STPG4: variants seen among roughly 807,000 people sequenced by gnomAD.
STPG4 encodes protein STPG4.
STPG4 carries 41 observed loss-of-function variants against 31.5 expected under a neutral mutation model. The ratio of observed to expected loss-of-function variants is 1.30; its 90% CI spans 1.01 to 1.69. The LOEUF (loss-of-function observed/expected upper bound fraction) is 1.69. Ranked by LOEUF, STPG4 falls within the 40% of genes most tolerant of loss-of-function variation. The probability of loss-of-function intolerance (pLI) is 0.00; values close to 1 mark genes in which losing one functional copy is unlikely to be tolerated. For synonymous variants in STPG4, 141 were observed against 103.0 expected (o/e 1.37, Z -2.24); for missense variants, 375 against 293.4 (o/e 1.28, Z -2.03).
intron 2 of STPG4, 148 bp from the exon 3 acceptor site, chr2:47,151,663 GA>G (rs1686939628): frequency 1.5e-6 from 1 of 653,710 alleles, no homozygotes; most frequent in African/African-American, 1.8e-5. Flanking sequence ...ACTCTTGACA[GA>G]AGAGTATTTC....
chr2:47,123,413 G>A (rs1686311541), intron 5 of STPG4, among the ~76,000 whole-genome samples: 1 of 152,146 alleles, frequency 6.6e-6, no homozygotes, highest in African/African-American at 2.4e-5. Context: ...TAGGTATACA[G>A]GAAAGAAATC....
At chr2:47,146,820 G>C (rs955424017) in intron 3 of STPG4, among the ~76,000 whole-genome samples, 1 of 151,560 alleles carries the variant, frequency 6.6e-6, no homozygotes, top group Non-Finnish European at 1.5e-5. Flanking sequence ...TGAGGATAGG[G>C]GAGGAAGTGT....
intron 5 of STPG4, among the ~76,000 whole-genome samples, chr2:47,101,124 A>AT (rs1685791177): frequency 6.6e-6 from 1 of 151,642 alleles, no homozygotes; most frequent in Non-Finnish European, 1.5e-5. Flanking sequence ...ATTCTGTCCT[A>AT]TTTTTCCTTA....
At chr2:47,130,043 T>A (rs774568855) in intron 4 of STPG4, 48 bp from the exon 5 acceptor site, 8 of 1,490,108 alleles carry the variant, frequency 5.4e-6, no homozygotes, top group Non-Finnish European at 7.4e-6. Flanking sequence ...ATCTATTTTT[T>A]AAAGATCTTT....
intron 3 of STPG4, among the ~76,000 whole-genome samples, chr2:47,136,182 G>T (rs1403824702): frequency 6.6e-6 from 1 of 151,472 alleles, no homozygotes; most frequent in African/African-American, 2.4e-5. Flanking sequence ...TTTCACTCTT[G>T]TTGCCCAGGC....
intron 1 of STPG4, 100 bp from the exon 2 acceptor site, chr2:47,153,116 C>A (rs1434565313): frequency 1.3e-6 from 1 of 753,808 alleles, no homozygotes; most frequent in East Asian, 2.6e-5. Context: ...CACACCCATA[C>A]CCAACTGATA....
At chr2:47,114,946 T>G (rs1345285530) in intron 5 of STPG4, among the ~76,000 whole-genome samples, 1 of 152,182 alleles carries the variant, frequency 6.6e-6, no homozygotes, top group East Asian at 1.9e-4. Flanking sequence ...TTTGGCATTT[T>G]TAGTAGAGAC....
At chr2:47,099,466 A>G (rs924829065) in intron 5 of STPG4, among the ~76,000 whole-genome samples, 1 of 152,256 alleles carries the variant, frequency 6.6e-6, no homozygotes, top group African/African-American at 2.4e-5. Flanking sequence ...TAACAGTAGG[A>G]GAAGCAACTT....
intron 5 of STPG4, among the ~76,000 whole-genome samples, chr2:47,119,462 G>C (rs1398442022): frequency 6.6e-6 from 1 of 152,128 alleles, no homozygotes. Flanking sequence ...CACATACCAA[G>C]TAGATTGTCC....
chr2:47,155,110 A>G (rs144354467), intron 1 of STPG4, 61 bp downstream of exon 1: 58 of 1,512,482 alleles, frequency 3.8e-5, no homozygotes, highest in Non-Finnish European at 4.9e-5. Context: ...GCGGTGGGAA[A>G]AGGGTAGTGG....
chr2:47,155,148 C>G (rs749931138), intron 1 of STPG4, 23 bp downstream of exon 1: 2 of 1,611,938 alleles, frequency 1.2e-6, no homozygotes, highest in Non-Finnish European at 1.7e-6. Flanking sequence ...GGAGCCAGGC[C>G]GGCAAGGGGC....
intron 5 of STPG4, among the ~76,000 whole-genome samples, chr2:47,106,650 T>C (rs1457969135): frequency 6.6e-6 from 1 of 151,902 alleles, no homozygotes; most frequent in African/African-American, 2.4e-5. Flanking sequence ...GTTTTTACAC[T>C]AACCAGTCAA....
At position 47,124,967 on chromosome 2, in the gene STPG4, C is replaced by T. The variant is rs548435608; in HGVS notation, c.519+4974G>A. On this transcript the variant is annotated intron_variant, in intron 5 of 6. Coordinates refer to ENST00000445927, the MANE Select transcript of STPG4 (RefSeq NM_001163561.2). ...GTATTTTGGATATAAGTCATTTAAACTGGGATGCAATGATATCTCATTGTA... is the reference window on the plus strand; with the variant it reads ...GTATTTTGGATATAAGTCATTTAAATTGGGATGCAATGATATCTCATTGTA... Among the ~76,000 whole-genome samples, 13 of 152,276 alleles carry T rather than the reference C, an allele frequency of 8.5e-5. 1 individual carries two copies. The South Asian group carries it at 2.1e-3, about 24-fold the overall frequency.
At chr2:47,115,069 A>T (rs1353010309) in intron 5 of STPG4, among the ~76,000 whole-genome samples, 3 of 151,994 alleles carry the variant, frequency 2.0e-5, no homozygotes, top group Non-Finnish European at 4.4e-5. Flanking sequence ...TGCCTGGCCT[A>T]TTTCTTTTCT....
chr2:47,110,138 A>G (rs1686007021), intron 5 of STPG4, among the ~76,000 whole-genome samples: 1 of 152,222 alleles, frequency 6.6e-6, no homozygotes, highest in South Asian at 2.1e-4. Context: ...ACTGCAAAGA[A>G]TCTGCTTAGT....
intron 5 of STPG4, among the ~76,000 whole-genome samples, chr2:47,111,618 C>T (rs183977417): frequency 1.9e-3 from 284 of 151,942 alleles, no homozygotes; most frequent in Admixed American, 0.013. Flanking sequence ...TATCAAGGAG[C>T]TAAAAGTGAA....
chr2:47,153,749 G>C (rs1219933926), intron 1 of STPG4, among the ~76,000 whole-genome samples: 2 of 152,118 alleles, frequency 1.3e-5, no homozygotes, highest in Admixed American at 1.3e-4. Context: ...ACTCCAGCCT[G>C]GGCGACAAAG....
chr2:47,132,663 G>A (rs759145556), intron 3 of STPG4, among the ~76,000 whole-genome samples: 2 of 152,130 alleles, frequency 1.3e-5, no homozygotes, highest in African/African-American at 4.8e-5. Flanking sequence ...AATTTGAACT[G>A]GGCATTCCTG....
chr2:47,095,049 A>T (rs943311809), intron 5 of STPG4, among the ~76,000 whole-genome samples: 1 of 152,206 alleles, frequency 6.6e-6, no homozygotes, highest in Non-Finnish European at 1.5e-5. Context: ...AGAGAACGTG[A>T]GAGTAGATGA....
Sources: gnomAD v4.1 joint callset for allele counts (sites outside exome capture counted in the v4.1 genomes callset) on GRCh38, gnomAD v4.1.1 for gene constraint, MANE v1.5 for transcripts, NCBI Gene and HGNC (gene_info 2026-07-23, HGNC 2026-07-21) for gene names.